The following CPNE4 variants were observed in gnomAD, a reference collection of about 807,000 sequenced individuals.
CPNE4 encodes the protein copine 4, also known as copine-4.
A neutral mutation model predicts 67.9 loss-of-function variants in CPNE4; 25 were observed. The observed-to-expected ratio is 0.37, with a 90% CI of 0.27 to 0.51. CPNE4 has a LOEUF of 0.51. Ranked by LOEUF, CPNE4 falls within the 20% of genes least tolerant of loss-of-function variation. The probability of loss-of-function intolerance (pLI) is 0.93; values close to 1 mark genes in which losing one functional copy is unlikely to be tolerated. For missense variants in CPNE4, 464 were observed against 690.8 expected, an observed-to-expected ratio of 0.67 and a Z score of 3.68; for synonymous variants, 242 against 244.9, an observed-to-expected ratio of 0.99 and a Z score of 0.11.
intron 1 of CPNE4, among the ~76,000 whole-genome samples, chr3:131,966,391 T>C (rs1245523058): frequency 6.6e-6 from 1 of 151,208 alleles, no homozygotes; most frequent in African/African-American, 2.4e-5. Context: ...CTGAAGGAGA[T>C]AGAGACACAA....
In CPNE4 at chr3:131,915,552, T is replaced by C. The variant is rs952963575; in HGVS notation, c.-1-10108A>G. On this transcript the variant is annotated intron_variant, in intron 1 of 15. Transcript: ENST00000429747. The stretch of plus-strand genomic sequence containing the variant: ...ACATGAAACACAAAAGGCCATGGTT[T>C]TCATGAATAATACAACAATATGAGT... Among the ~76,000 whole-genome samples, 7 of 152,208 alleles carry C rather than the reference T, an allele frequency of 4.6e-5. No individual in the cohort carries two copies. In the East Asian group the frequency reaches 1.3e-3, roughly 29 times the overall value.
intron 2 of CPNE4, among the ~76,000 whole-genome samples, chr3:131,787,606 T>C (rs1047672420): frequency 1.4e-4 from 21 of 152,156 alleles, no homozygotes; most frequent in African/African-American, 4.3e-4. Flanking sequence ...GCATCAACTT[T>C]TCTTGAAGGA....
rs144964187 is a variant in CPNE4, at chr3:131,697,802, A to G, written c.433-1186T>C. Among the ~76,000 whole-genome samples the G allele has an allele frequency of 2.2e-4, 33 of 152,352 alleles. 1 individual carries two copies. The highest frequency in any genetic ancestry group is 7.7e-4 in the African/African-American group (32 of 41,578). The stretch of plus-strand genomic sequence containing the variant: ...ATTTTGTGATCACAGACACCTTTGG[A>G]AAACTGATGAAAGTTATGATTTTCA... On this transcript the variant is annotated intron_variant, in intron 4 of 15. Coordinates refer to ENST00000429747, the MANE Select transcript of CPNE4 (RefSeq NM_130808.3).
intron 6 of CPNE4, among the ~76,000 whole-genome samples, chr3:131,680,484 C>T (rs1041510596): frequency 6.6e-6 from 1 of 151,848 alleles, no homozygotes; most frequent in African/African-American, 2.4e-5. Flanking sequence ...TGTCCCCCAG[C>T]TTTTTAACTT....
At chr3:131,647,969 A>G (rs951563107) in intron 7 of CPNE4, among the ~76,000 whole-genome samples, 18 of 152,192 alleles carry the variant, frequency 1.2e-4, no homozygotes, top group African/African-American at 4.3e-4. Context: ...CCATAGAACC[A>G]GATTAACTAT....
At chr3:132,008,974 C>T (rs1253771551) in intron 1 of CPNE4, among the ~76,000 whole-genome samples, 1 of 152,148 alleles carries the variant, frequency 6.6e-6, no homozygotes, top group African/African-American at 2.4e-5. Flanking sequence ...GTGACCAATG[C>T]TCCGGGCTGT....
At chr3:131,865,899 G>A (rs1476864466) in intron 2 of CPNE4, among the ~76,000 whole-genome samples, 1 of 152,212 alleles carries the variant, frequency 6.6e-6, no homozygotes, top group Non-Finnish European at 1.5e-5. Flanking sequence ...CCAGTGACAA[G>A]CCACTGACAC....
chr3:131,878,240 T>C lies in CPNE4; in HGVS notation c.180+27024A>G, dbSNP rs112253965. 8.1e-3 allele frequency among the ~76,000 whole-genome samples: 1,228 copies of C among 152,256 alleles called. 9 individuals are homozygous for C. The highest frequency in any genetic ancestry group is 0.013 in the Non-Finnish European group (907 of 68,004). On this transcript the variant is annotated intron_variant, in intron 2 of 15. Transcript: ENST00000429747. ...ACCCCTATGTTCATCAGCAGTAGGA[T>C]AGATAAATCAATTGTGGTATTAGCC... is the stretch of plus-strand genomic sequence containing the variant.
At chr3:131,882,378 C>T (rs891096911) in intron 2 of CPNE4, among the ~76,000 whole-genome samples, 3 of 152,088 alleles carry the variant, frequency 2.0e-5, no homozygotes, top group African/African-American at 7.2e-5. Flanking sequence ...CATTGTATGA[C>T]TGAGGCAAGA....
In CPNE4 at chr3:131,993,472, C is replaced by CAAAAAAAAAAAAAAAAAAAAAA. The variant is rs58116331; in HGVS notation, c.-2+41094_-2+41095insTTTTTTTTTTTTTTTTTTTTTT. ...ACCCTGATTTCGTGTGCAGGAGTGG[C>CAAAAAAAAAAAAAAAAAAAAAA]AAAAAAAAAAAAAAAAAGCATAGCT... On this transcript the variant is annotated intron_variant, in intron 1 of 15. Transcript: ENST00000429747. Among the ~76,000 whole-genome samples the CAAAAAAAAAAAAAAAAAAAAAA allele has an allele frequency of 1.2e-4, 7 of 60,460 alleles. 2 individuals carry two copies. The highest frequency in any genetic ancestry group is 3.3e-4 in the African/African-American group (6 of 18,306). The allele number at this position is 60,460 out of a possible 152,430, so 39.7% of individuals were successfully genotyped here.
At chr3:131,715,511 C>T (rs2081662018) in intron 3 of CPNE4, among the ~76,000 whole-genome samples, 1 of 152,152 alleles carries the variant, frequency 6.6e-6, no homozygotes, top group Non-Finnish European at 1.5e-5. Context: ...GCTGTGTGAC[C>T]TTGGATAACT....
Position 131,813,451 on chromosome 3 carries a change from A to G in CPNE4, c.181-89826T>C, listed in dbSNP as rs532708008. 9.4e-5 allele frequency among the ~76,000 whole-genome samples: 14 copies of G among 149,136 alleles called. 1 individual carries two copies. The South Asian group carries it at 2.9e-3, about 31-fold the overall frequency. On this transcript the variant is annotated intron_variant, in intron 2 of 15. Coordinates refer to ENST00000429747, the MANE Select transcript of CPNE4 (RefSeq NM_130808.3). ...ATACATACAATATAGAAAAATACAT[A>G]TTTTAAAAATATATTTTATTTATAT...
intron 2 of CPNE4, among the ~76,000 whole-genome samples, chr3:131,818,892 G>A (rs2084850341): frequency 1.3e-5 from 2 of 152,212 alleles, no homozygotes; most frequent in South Asian, 4.2e-4. Flanking sequence ...ACGAGGTCAA[G>A]GGTTTAAGAC....
At chr3:131,960,120 T>TGGAGACGGAGGGA (rs1553815515) in intron 1 of CPNE4, among the ~76,000 whole-genome samples, 3 of 147,364 alleles carry the variant, frequency 2.0e-5, no homozygotes, top group Non-Finnish European at 3.0e-5. Flanking sequence ...AGAGAAAGAG[T>TGGAGACGGAGGGA]GGAGAGGGAG....
At chr3:131,742,636 A>G (rs2082386413) in intron 2 of CPNE4, among the ~76,000 whole-genome samples, 8 of 152,184 alleles carry the variant, frequency 5.3e-5, no homozygotes, top group Admixed American at 4.6e-4. Context: ...TCATTAGTCA[A>G]TAAGTAAAAT....
intron 1 of CPNE4, among the ~76,000 whole-genome samples, chr3:131,966,468 C>A (rs1376624080): frequency 3.3e-5 from 5 of 151,996 alleles, no homozygotes; most frequent in Non-Finnish European, 5.9e-5. Context: ...AATAGGTAGA[C>A]CACTAGCCAG....
At chr3:131,831,429 T>A (rs753935556) in intron 2 of CPNE4, among the ~76,000 whole-genome samples, 1 of 152,156 alleles carries the variant, frequency 6.6e-6, no homozygotes, top group African/African-American at 2.4e-5. Context: ...ACACTGGAGC[T>A]TTGTATTACT....
At chr3:131,930,064 G>A (rs753567469) in intron 1 of CPNE4, among the ~76,000 whole-genome samples, 12 of 152,156 alleles carry the variant, frequency 7.9e-5, no homozygotes, top group Admixed American at 4.6e-4. Context: ...AGCAGCGAGT[G>A]ACTTCATTTA....
intron 2 of CPNE4, among the ~76,000 whole-genome samples, chr3:131,892,655 A>AT (rs1316501765): frequency 1.3e-5 from 2 of 152,228 alleles, no homozygotes; most frequent in African/African-American, 2.4e-5. Flanking sequence ...CACATAATGG[A>AT]TTTTTTTAAA....
Sources: allele counts gnomAD v4.1 joint callset (sites outside exome capture counted in the v4.1 genomes callset), GRCh38; gene constraint gnomAD v4.1.1; transcripts MANE v1.5; gene names NCBI Gene and HGNC (gene_info 2026-07-23, HGNC 2026-07-21).